The following GABRB1 variants were observed in gnomAD, a reference collection of about 807,000 sequenced individuals.
GABRB1 encodes the protein gamma-aminobutyric acid type A receptor subunit beta1.
Under a neutral mutation model 51.6 loss-of-function variants are expected in GABRB1, and 17 were observed. That is an observed-to-expected ratio of 0.33 (90% CI 0.23 to 0.49). GABRB1 has a LOEUF of 0.49. Ranked by LOEUF, GABRB1 falls within the 20% of genes least tolerant of loss-of-function variation. The pLI, the probability that GABRB1 is intolerant of heterozygous loss-of-function variation, is 0.99. For synonymous variants in GABRB1, 247 were observed against 218.9 expected (o/e 1.13, Z -1.14); for missense variants, 410 against 600.6 (o/e 0.68, Z 3.32).
intron 4 of GABRB1, among the ~76,000 whole-genome samples, chr4:47,252,377 A>G (rs1388131353): frequency 6.6e-6 from 1 of 152,090 alleles, no homozygotes; most frequent in Non-Finnish European, 1.5e-5. Flanking sequence ...GGGTGTCTCC[A>G]GGGTCCTGCA....
intron 4 of GABRB1, among the ~76,000 whole-genome samples, chr4:47,309,513 A>G (rs1724589853): frequency 6.6e-6 from 1 of 152,146 alleles, no homozygotes. Flanking sequence ...ATCAAAAAAT[A>G]AGAATAGCAG....
At chr4:47,399,251 A>C (rs1453426317) in intron 5 of GABRB1, among the ~76,000 whole-genome samples, 2 of 152,184 alleles carry the variant, frequency 1.3e-5, no homozygotes, top group Non-Finnish European at 2.9e-5. Flanking sequence ...TTCTAATGTT[A>C]AACTTAGAAT....
chr4:47,308,521 G>A (rs924666360), intron 4 of GABRB1, among the ~76,000 whole-genome samples: 2 of 152,004 alleles, frequency 1.3e-5, no homozygotes, highest in Non-Finnish European at 2.9e-5. Context: ...AAACAACACA[G>A]TATCTTAATA....
chr4:47,299,887 A>G (rs1324247156), intron 4 of GABRB1, among the ~76,000 whole-genome samples: 1 of 151,986 alleles, frequency 6.6e-6, no homozygotes, highest in Non-Finnish European at 1.5e-5. Context: ...TGGCACATAT[A>G]CACCACGGAA....
chr4:47,064,123 T>C (rs1055196945), intron 3 of GABRB1, among the ~76,000 whole-genome samples: 1 of 152,168 alleles, frequency 6.6e-6, no homozygotes, highest in African/African-American at 2.4e-5. Flanking sequence ...CCCAGGGCCT[T>C]TGCAAGAGTT....
At chr4:47,114,130 T>A (rs890252214) in intron 3 of GABRB1, among the ~76,000 whole-genome samples, 4 of 152,336 alleles carry the variant, frequency 2.6e-5, no homozygotes, top group Middle Eastern at 3.4e-3. Flanking sequence ...TCATGCGTTA[T>A]TCCCGACCAT....
intron 4 of GABRB1, among the ~76,000 whole-genome samples, chr4:47,282,050 T>C (rs1723310554): frequency 6.6e-6 from 1 of 150,690 alleles, no homozygotes; most frequent in African/African-American, 2.4e-5. Flanking sequence ...GTTCTCATCA[T>C]TAAAAAAAGA....
intron 5 of GABRB1, among the ~76,000 whole-genome samples, chr4:47,380,297 G>A (rs1198525140): frequency 6.6e-6 from 1 of 152,202 alleles, no homozygotes; most frequent in Non-Finnish European, 1.5e-5. Context: ...CAGGGAAGAA[G>A]TAGACACACA....
At chr4:47,218,341 GA>G (rs1166575320) in intron 4 of GABRB1, among the ~76,000 whole-genome samples, 1 of 151,714 alleles carries the variant, frequency 6.6e-6, no homozygotes, top group Non-Finnish European at 1.5e-5. Context: ...TATTTCCTTT[GA>G]AAAAACACCC....
At chr4:47,349,527 C>T (rs141038394) in intron 5 of GABRB1, among the ~76,000 whole-genome samples, 2 of 152,252 alleles carry the variant, frequency 1.3e-5, no homozygotes, top group East Asian at 3.9e-4. Context: ...TTTAATGTCC[C>T]AGCATTCTGA....
intron 3 of GABRB1, among the ~76,000 whole-genome samples, chr4:47,156,752 C>T (rs1019744865): frequency 4.6e-5 from 7 of 151,898 alleles, no homozygotes; most frequent in South Asian, 2.1e-4. Context: ...GGCAGATCAC[C>T]TGAGGTCAGG....
At position 47,241,131 on chromosome 4, in the gene GABRB1, A is replaced by G. The variant is rs371866552; in HGVS notation, c.462-78996A>G. On this transcript the variant is annotated intron_variant, in intron 4 of 8. Transcript: ENST00000295454. ...GTTTTAATTCTACAGCATCATTTAT[A>G]GTTTTACAGGTTATTTTTCCAGTAA... is the stretch of plus-strand genomic sequence containing the variant. 1.7e-3 allele frequency among the ~76,000 whole-genome samples: 266 copies of G among 152,338 alleles called. 2 individuals are homozygous for G. The highest frequency in any genetic ancestry group is 5.6e-3 in the African/African-American group (231 of 41,584).
intron 4 of GABRB1, among the ~76,000 whole-genome samples, chr4:47,230,334 C>T (rs1452709013): frequency 2.0e-5 from 3 of 151,978 alleles, no homozygotes; most frequent in Non-Finnish European, 4.4e-5. Flanking sequence ...TTCCCATAAA[C>T]CAGAGCTGAG....
intron 4 of GABRB1, among the ~76,000 whole-genome samples, chr4:47,278,211 G>A (rs1723154788): frequency 6.6e-6 from 1 of 152,114 alleles, no homozygotes; most frequent in African/African-American, 2.4e-5. Flanking sequence ...TAAGTGTTTA[G>A]CACAATGACT....
intron 4 of GABRB1, among the ~76,000 whole-genome samples, chr4:47,225,320 G>A (rs1045202304): frequency 2.6e-5 from 4 of 152,092 alleles, no homozygotes; most frequent in Non-Finnish European, 5.9e-5. Flanking sequence ...TGGTGGAGGG[G>A]GCAGGGAGTG....
chr4:47,081,414 A>G (rs1727835934), intron 3 of GABRB1, among the ~76,000 whole-genome samples: 1 of 152,212 alleles, frequency 6.6e-6, no homozygotes, highest in Non-Finnish European at 1.5e-5. Flanking sequence ...AACTTGACAC[A>G]AATGCAGACA....
chr4:47,114,070 G>A (rs967608442), intron 3 of GABRB1, among the ~76,000 whole-genome samples: 2 of 152,176 alleles, frequency 1.3e-5, no homozygotes, highest in Non-Finnish European at 2.9e-5. Flanking sequence ...TGCATATGCA[G>A]TTTACAGTTC....
At chr4:47,391,555 C>A (rs908480331) in intron 5 of GABRB1, among the ~76,000 whole-genome samples, 2 of 152,160 alleles carry the variant, frequency 1.3e-5, no homozygotes, top group African/African-American at 4.8e-5. Context: ...AATTCAAAGA[C>A]CAGCTTGAGG....
At chr4:47,005,669 A>G (rs1377597548) in intron 1 of GABRB1, among the ~76,000 whole-genome samples, 1 of 149,620 alleles carries the variant, frequency 6.7e-6, no homozygotes, top group Non-Finnish European at 1.5e-5. Flanking sequence ...TCCAAGGACT[A>G]AAAATGTCCT....
Sources: allele counts gnomAD v4.1 joint callset (sites outside exome capture counted in the v4.1 genomes callset), GRCh38; gene constraint gnomAD v4.1.1; transcripts MANE v1.5; gene names NCBI Gene and HGNC (gene_info 2026-07-23, HGNC 2026-07-21).